Variants in SCN7A observed in about 807,000 individuals in gnomAD.
SCN7A encodes the protein sodium channel protein type 7 subunit alpha.
SCN7A carries 138 observed loss-of-function variants against 155.2 expected under a neutral mutation model. The ratio of observed to expected loss-of-function variants is 0.89; its 90% CI spans 0.77 to 1.02. SCN7A has a LOEUF of 1.02. Among genes scored for constraint, SCN7A ranks in the 50% least tolerant of loss-of-function variants. The pLI is 0.00. For synonymous variants in SCN7A, 693 were observed against 649.0 expected (o/e 1.07, Z -1.03); for missense variants, 2,058 against 1,986.6 (o/e 1.04, Z -0.68).
chr2:166,468,683 T>G (rs1575055428), intron 7 of SCN7A, among the ~76,000 whole-genome samples: 2 of 150,858 alleles, frequency 1.3e-5, no homozygotes, highest in South Asian at 2.1e-4. Flanking sequence ...ATTTTCATAC[T>G]TACTTTTTCA....
Position 166,428,088 on chromosome 2 carries a change from C to T in SCN7A, c.2699-146G>A, listed in dbSNP as rs1296521005. On this transcript the variant is annotated intron_variant, in intron 17 of 25. Transcript: ENST00000643258. ...CTGATTTATAAACATTTAATTTTTA[C>T]CCATGGTGTAGTGACCACTGTAATC... 4.4e-6 allele frequency: 4 copies of T among 901,012 alleles called. No homozygotes were observed. The African/African-American group carries it at 6.7e-5, about 15-fold the overall frequency. The allele number at this position is 901,012 out of a possible 1,614,324, so 55.8% of individuals were successfully genotyped here.
At chr2:166,475,122 A>ATATATATATATATATATATACG (rs1702765527) in intron 3 of SCN7A, among the ~76,000 whole-genome samples, 1 of 93,836 alleles carries the variant, frequency 1.1e-5, no homozygotes, top group Non-Finnish European at 2.2e-5. Context: ...ATATATATAC[A>ATATATATATATATATATATACG]TATATATATA....
At chr2:166,455,930 T>C (rs1268317722) in intron 11 of SCN7A, among the ~76,000 whole-genome samples, 1 of 152,178 alleles carries the variant, frequency 6.6e-6, no homozygotes, top group Non-Finnish European at 1.5e-5. Context: ...TTTAATGTGC[T>C]GCTGGATTTG....
In SCN7A at chr2:166,429,347, A is replaced by G. The variant is rs968282841; in HGVS notation, c.2593-73T>C. ...ACCCATGGTGGCCAAAGTTTATTTC[A>G]TTTTCAGAAGTAAGAAAAATTTTGT... On this transcript the variant is annotated intron_variant, in intron 16 of 25. Transcript: ENST00000643258. 28 of 944,296 alleles carry G rather than the reference A, an allele frequency of 3.0e-5. No individual in the cohort carries two copies. In the East Asian group the frequency reaches 7.3e-4, roughly 25 times the overall value. The allele number at this position is 944,296 out of a possible 1,614,324, so 58.5% of individuals were successfully genotyped here.
intron 11 of SCN7A, among the ~76,000 whole-genome samples, chr2:166,450,422 G>T (rs1181290798): frequency 6.6e-6 from 1 of 152,128 alleles, no homozygotes; most frequent in African/African-American, 2.4e-5. Context: ...CATGCAATTT[G>T]CCCATGTAAC....
intron 19 of SCN7A, among the ~76,000 whole-genome samples, chr2:166,421,626 C>G (rs780475071): frequency 2.8e-4 from 43 of 151,716 alleles, no homozygotes; most frequent in Non-Finnish European, 5.5e-4. Context: ...GATTAAGAAT[C>G]AGTTTCATAA....
chr2:166,484,056 G>A (rs1413579912), intron 2 of SCN7A, among the ~76,000 whole-genome samples: 1 of 151,896 alleles, frequency 6.6e-6, no homozygotes, highest in Admixed American at 6.6e-5. Flanking sequence ...GTGTTAACTG[G>A]GAAATAATGT....
chr2:166,455,754 AG>A (rs1379869842), intron 11 of SCN7A, among the ~76,000 whole-genome samples: 3 of 152,178 alleles, frequency 2.0e-5, no homozygotes, highest in African/African-American at 7.2e-5. Flanking sequence ...TTTAGCATGA[AG>A]GGGTGTTGAA....
chr2:166,480,459 AAAAAAAAAAAC>A (rs1366422743), intron 2 of SCN7A, among the ~76,000 whole-genome samples: 7 of 38,118 alleles, frequency 1.8e-4, no homozygotes, highest in African/African-American at 4.7e-4. Flanking sequence ...CTCCGTCTCA[AAAAAAAAAAAC>A]AAAAAAACAA....
At chr2:166,444,643 A>G (rs183588841) in intron 13 of SCN7A, 119 bp downstream of exon 13, 1 of 634,968 alleles carries the variant, frequency 1.6e-6, no homozygotes, top group East Asian at 2.7e-5. Flanking sequence ...TTCAATAATA[A>G]TGCATATTGC....
chr2:166,451,932 T>A (rs1702184653), intron 11 of SCN7A, among the ~76,000 whole-genome samples: 1 of 152,180 alleles, frequency 6.6e-6, no homozygotes, highest in Non-Finnish European at 1.5e-5. Flanking sequence ...GAAATATTTA[T>A]TTTAAATAAA....
intron 2 of SCN7A, among the ~76,000 whole-genome samples, chr2:166,484,355 C>G (rs1035948941): frequency 3.3e-5 from 5 of 151,558 alleles, no homozygotes; most frequent in Non-Finnish European, 5.9e-5. Flanking sequence ...TGTATGTGTA[C>G]ATGTTTTATA....
intron 23 of SCN7A, 90 bp downstream of exon 23, chr2:166,412,440 A>T: frequency 1.6e-6 from 2 of 1,249,008 alleles, no homozygotes; most frequent in Non-Finnish European, 2.1e-6. Context: ...GCTGAATCCA[A>T]AGCCAATTAT....
At chr2:166,458,641 T>G (rs1412374039) in intron 10 of SCN7A, among the ~76,000 whole-genome samples, 3 of 152,144 alleles carry the variant, frequency 2.0e-5, no homozygotes, top group African/African-American at 7.2e-5. Context: ...TTATACTATG[T>G]TTTTACTGTA....
intron 1 of SCN7A, 24 bp from the exon 2 acceptor site, chr2:166,486,992 T>C (rs529868991): frequency 6.6e-6 from 1 of 152,314 alleles, no homozygotes; most frequent in African/African-American, 2.4e-5. Context: ...GTTCTAAAGC[T>C]TGAAATCAGA....
chr2:166,475,126 A>ATACG (rs1236121546), intron 3 of SCN7A, among the ~76,000 whole-genome samples: 7 of 139,188 alleles, frequency 5.0e-5, no homozygotes, highest in East Asian at 2.1e-4. Flanking sequence ...ATATACATAT[A>ATACG]TATATATATA....
chr2:166,480,326 C>T (rs1702892770), intron 2 of SCN7A, among the ~76,000 whole-genome samples: 1 of 151,980 alleles, frequency 6.6e-6, no homozygotes, highest in East Asian at 1.9e-4. Context: ...GGCGTGGTGG[C>T]GGGCGCCTGT....
chr2:166,403,626 T>C lies in SCN7A; in HGVS notation c.*1954A>G, dbSNP rs1018318318. The stretch of plus-strand genomic sequence containing the variant: ...TCTATAGTATCTAAAAAGTAACATA[T>C]ATTGTTAAGACTTTGTTAAAAATAA... On this transcript the variant is annotated 3_prime_UTR_variant, in exon 26 of 26. Coordinates refer to ENST00000643258, the MANE Select transcript of SCN7A (RefSeq NM_002976.4). 3 of 152,050 alleles carry C rather than the reference T, an allele frequency of 2.0e-5. No homozygotes were observed. Among genetic ancestry groups the C allele is most frequent in the Non-Finnish European group, 4.4e-5 (3 of 67,972 alleles). The allele number at this position is 152,050 out of a possible 1,614,324, so 9.4% of individuals were successfully genotyped here.
chr2:166,443,455 T>C (rs1702000469), intron 14 of SCN7A, 48 bp downstream of exon 14: 2 of 1,484,950 alleles, frequency 1.3e-6, no homozygotes, highest in Admixed American at 2.3e-5. Flanking sequence ...CTGCAGACAC[T>C]GAGATAAACT....
Sources: allele counts gnomAD v4.1 joint callset (sites outside exome capture counted in the v4.1 genomes callset), GRCh38; gene constraint gnomAD v4.1.1; transcripts MANE v1.5; gene names NCBI Gene and HGNC (gene_info 2026-07-23, HGNC 2026-07-21).